The following ERBB4 variants were observed in gnomAD, a reference collection of about 807,000 sequenced individuals.
ERBB4 encodes the protein erb-b2 receptor tyrosine kinase 4.
ERBB4 carries 42 observed loss-of-function variants against 158.0 expected under a neutral mutation model. The ratio of observed to expected loss-of-function variants is 0.27; its 90% CI spans 0.21 to 0.34. The LOEUF is 0.34. Ranked by LOEUF, ERBB4 falls within the 10% of genes least tolerant of loss-of-function variation. The probability of loss-of-function intolerance (pLI) is 1.00; values close to 1 mark genes in which losing one functional copy is unlikely to be tolerated. For missense variants in ERBB4, 1,333 were observed against 1,624.1 expected, an observed-to-expected ratio of 0.82 and a Z score of 3.08; for synonymous variants, 583 against 558.7, an observed-to-expected ratio of 1.04 and a Z score of -0.61.
At chr2:211,983,542 C>T (rs1428898193) in intron 2 of ERBB4, among the ~76,000 whole-genome samples, 3 of 152,008 alleles carry the variant, frequency 2.0e-5, no homozygotes, top group African/African-American at 2.4e-5. Flanking sequence ...ATGATTTATC[C>T]AGCACACACA....
intron 1 of ERBB4, among the ~76,000 whole-genome samples, chr2:212,268,214 A>T (rs1266983161): frequency 6.6e-6 from 1 of 151,948 alleles, no homozygotes; most frequent in Non-Finnish European, 1.5e-5. Flanking sequence ...TCTGTATGAT[A>T]GCCTGAAATT....
intron 3 of ERBB4, among the ~76,000 whole-genome samples, chr2:211,906,250 G>A (rs2079389693): frequency 1.3e-5 from 2 of 152,012 alleles, no homozygotes; most frequent in Admixed American, 6.6e-5. Context: ...GTAGGATTCT[G>A]CATATATTTA....
chr2:212,476,991 C>G (rs951834696), intron 1 of ERBB4, among the ~76,000 whole-genome samples: 1 of 152,066 alleles, frequency 6.6e-6, no homozygotes, highest in Admixed American at 6.6e-5. Flanking sequence ...ATTCTAACTG[C>G]CTAAGCGTCA....
At chr2:211,541,918 A>T (rs1050111312) in intron 20 of ERBB4, among the ~76,000 whole-genome samples, 1 of 152,026 alleles carries the variant, frequency 6.6e-6, no homozygotes, top group Admixed American at 6.6e-5. Flanking sequence ...TTGTATTATC[A>T]CCACTCAAAA....
At chr2:211,398,268 C>G (rs1218794930) in intron 25 of ERBB4, among the ~76,000 whole-genome samples, 1 of 152,154 alleles carries the variant, frequency 6.6e-6, no homozygotes, top group African/African-American at 2.4e-5. Context: ...TCTAACCATT[C>G]TCTTCATCCT....
chr2:211,449,127 A>T (rs2064181266), intron 20 of ERBB4, among the ~76,000 whole-genome samples: 1 of 152,114 alleles, frequency 6.6e-6, no homozygotes, highest in Admixed American at 6.6e-5. Flanking sequence ...AGTATTTAAG[A>T]TATTGCTGAT....
Position 211,383,558 on chromosome 2 carries a change from G to C in ERBB4, c.*57C>G, listed in dbSNP as rs149423647. 4 of 1,420,916 alleles carry C rather than the reference G, an allele frequency of 2.8e-6. No homozygotes were observed. The highest frequency in any genetic ancestry group is 2.3e-5 in the South Asian group (2 of 86,362). The allele number at this position is 1,420,916 out of a possible 1,614,324, so 88.0% of individuals were successfully genotyped here. On this transcript the variant is annotated 3_prime_UTR_variant, in exon 28 of 28. Transcript: ENST00000342788. ...GAAGGAAGACCACCAGAGAAAGAGA[G>C]GGGGGTGGGGAAATTGGAGCAGGTG... is the stretch of plus-strand genomic sequence containing the variant.
intron 1 of ERBB4, among the ~76,000 whole-genome samples, chr2:212,430,617 T>C (rs2092007639): frequency 6.6e-6 from 1 of 152,054 alleles, no homozygotes; most frequent in Non-Finnish European, 1.5e-5. Flanking sequence ...ATTTTTTGTA[T>C]TTTTAGTAGA....
At chr2:211,634,390 A>T (rs775476134) in intron 16 of ERBB4, among the ~76,000 whole-genome samples, 2 of 152,210 alleles carry the variant, frequency 1.3e-5, no homozygotes, top group Non-Finnish European at 2.9e-5. Context: ...TACAGTTAAC[A>T]TTATGTACCA....
At chr2:211,908,008 T>A (rs902614921) in intron 3 of ERBB4, among the ~76,000 whole-genome samples, 2 of 151,674 alleles carry the variant, frequency 1.3e-5, no homozygotes, top group African/African-American at 2.4e-5. Flanking sequence ...AATCCATGTA[T>A]CTTTGTTTCT....
intron 19 of ERBB4, among the ~76,000 whole-genome samples, chr2:211,596,215 C>T (rs899541166): frequency 1.3e-5 from 2 of 149,368 alleles, no homozygotes; most frequent in Non-Finnish European, 3.0e-5. Context: ...ATAGACTTCA[C>T]AGCAAAAAAA....
intron 1 of ERBB4, among the ~76,000 whole-genome samples, chr2:212,229,409 CAT>C (rs1354206879): frequency 6.6e-6 from 1 of 152,092 alleles, no homozygotes; most frequent in Admixed American, 6.6e-5. Context: ...TAGAAGGAAA[CAT>C]ATATGCAAAA....
intron 3 of ERBB4, among the ~76,000 whole-genome samples, chr2:211,893,533 T>G (rs956508022): frequency 7.1e-6 from 1 of 141,778 alleles, no homozygotes; most frequent in Non-Finnish European, 1.5e-5. Context: ...CCAAAAGCAA[T>G]GGCAACAAAA....
At chr2:211,627,666 A>C (rs1479776016) in intron 17 of ERBB4, among the ~76,000 whole-genome samples, 2 of 152,240 alleles carry the variant, frequency 1.3e-5, no homozygotes, top group African/African-American at 2.4e-5. Flanking sequence ...TGAAATTGTC[A>C]GACTGACAAT....
chr2:212,453,505 A>C (rs1411629022), intron 1 of ERBB4, among the ~76,000 whole-genome samples: 1 of 152,208 alleles, frequency 6.6e-6, no homozygotes, highest in Non-Finnish European at 1.5e-5. Context: ...TTTTTTGTTT[A>C]AATAGGGTTC....
chr2:212,198,026 C>A (rs998003054), intron 1 of ERBB4, among the ~76,000 whole-genome samples: 2 of 151,910 alleles, frequency 1.3e-5, no homozygotes, highest in African/African-American at 4.8e-5. Context: ...GAGAGCTGAG[C>A]AAATAAACTC....
chr2:212,281,975 A>G, intron 1 of ERBB4, among the ~76,000 whole-genome samples: 1 of 151,910 alleles, frequency 6.6e-6, no homozygotes, highest in East Asian at 1.9e-4. Context: ...AAAAGTATGC[A>G]TTGTGTGCCA....
At chr2:212,125,084 C>T in intron 1 of ERBB4, 181 bp from the exon 2 acceptor site, 3 of 649,998 alleles carry the variant, frequency 4.6e-6, no homozygotes. Flanking sequence ...TTTTATATTC[C>T]CAAATTACAT....
intron 2 of ERBB4, among the ~76,000 whole-genome samples, chr2:211,982,094 A>C (rs2125232916): frequency 6.6e-6 from 1 of 152,112 alleles, no homozygotes; most frequent in East Asian, 1.9e-4. Flanking sequence ...ATTGATAAAA[A>C]CAATAAATAA....
Sources: gnomAD v4.1 joint callset for allele counts (sites outside exome capture counted in the v4.1 genomes callset) on GRCh38, gnomAD v4.1.1 for gene constraint, MANE v1.5 for transcripts, NCBI Gene and HGNC (gene_info 2026-07-23, HGNC 2026-07-21) for gene names.